Variants in HECW1 observed in about 807,000 individuals in gnomAD.
HECW1 encodes HECT, C2 and WW domain containing E3 ubiquitin protein ligase 1, also known as E3 ubiquitin-protein ligase HECW1.
HECW1 carries 61 observed loss-of-function variants against 182.3 expected under a neutral mutation model. That is an observed-to-expected ratio of 0.33 (90% CI 0.27 to 0.41). The LOEUF (loss-of-function observed/expected upper bound fraction) is 0.41, where lower values mean the gene tolerates loss of function less well. HECW1 is among the 10% of genes least tolerant of loss of function. The pLI is 1.00. For synonymous variants in HECW1, 859 were observed against 832.6 expected, an observed-to-expected ratio of 1.03 and a Z score of -0.55; for missense variants, 1,739 against 2,108.9, an observed-to-expected ratio of 0.82 and a Z score of 3.44.
At chr7:43,429,989 C>T (rs2076490857) in intron 8 of HECW1, among the ~76,000 whole-genome samples, 1 of 152,218 alleles carries the variant, frequency 6.6e-6, no homozygotes, top group Non-Finnish European at 1.5e-5. Context: ...GTATTCCTGC[C>T]TTACTCTTGA....
chr7:43,544,788 A>G (rs933804078), intron 26 of HECW1, among the ~76,000 whole-genome samples: 2 of 152,220 alleles, frequency 1.3e-5, no homozygotes, highest in Non-Finnish European at 2.9e-5. Flanking sequence ...ATTAAAAAGC[A>G]TGAGGACACC....
At chr7:43,365,157 C>G (rs1210575475) in intron 6 of HECW1, among the ~76,000 whole-genome samples, 1 of 152,244 alleles carries the variant, frequency 6.6e-6, no homozygotes, top group Non-Finnish European at 1.5e-5. Flanking sequence ...TGGGGGCCCT[C>G]CCTTTGCCTG....
intron 3 of HECW1, among the ~76,000 whole-genome samples, chr7:43,292,214 A>G (rs1297005418): frequency 1.3e-5 from 2 of 152,232 alleles, no homozygotes; most frequent in Admixed American, 1.3e-4. Flanking sequence ...TCCTACAATC[A>G]TATCTTAGGA....
intron 2 of HECW1, among the ~76,000 whole-genome samples, chr7:43,185,729 A>G (rs1414433963): frequency 6.6e-6 from 1 of 152,218 alleles, no homozygotes; most frequent in Non-Finnish European, 1.5e-5. Context: ...AATTCAGTAC[A>G]CACAGAATAA....
intron 2 of HECW1, among the ~76,000 whole-genome samples, chr7:43,211,064 T>A (rs1180062940): frequency 6.6e-6 from 1 of 152,214 alleles, no homozygotes; most frequent in Non-Finnish European, 1.5e-5. Flanking sequence ...GATAGATGAT[T>A]GGCTATTTCT....
chr7:43,316,773 TCCTCC>T (rs1562826353), intron 4 of HECW1, among the ~76,000 whole-genome samples: 1 of 73,966 alleles, frequency 1.4e-5, no homozygotes. Flanking sequence ...CCCTTTTCTC[TCCTCC>T]CCTCCCCTCC....
intron 2 of HECW1, among the ~76,000 whole-genome samples, chr7:43,205,320 T>C (rs1174561464): frequency 6.6e-6 from 1 of 152,140 alleles, no homozygotes; most frequent in Admixed American, 6.6e-5. Context: ...CCTGACGTCA[T>C]GATCGGCCCG....
At chr7:43,415,470 T>G (rs1172060489) in intron 8 of HECW1, among the ~76,000 whole-genome samples, 1 of 151,870 alleles carries the variant, frequency 6.6e-6, no homozygotes, top group Non-Finnish European at 1.5e-5. Flanking sequence ...CATTTTTTCC[T>G]TCATTTCAAC....
chr7:43,436,163 CAAAAAAAA>C (rs750081980), intron 8 of HECW1, among the ~76,000 whole-genome samples: 10 of 67,046 alleles, frequency 1.5e-4, no homozygotes, highest in African/African-American at 5.8e-4. Flanking sequence ...GACTTTGTCT[CAAAAAAAA>C]AAAAAAAAAA....
intron 5 of HECW1, among the ~76,000 whole-genome samples, chr7:43,329,466 C>T (rs1342921163): frequency 6.6e-6 from 1 of 151,414 alleles, no homozygotes; most frequent in East Asian, 1.9e-4. Context: ...AAACAAAGAA[C>T]ACCTGGAATG....
intron 19 of HECW1, among the ~76,000 whole-genome samples, chr7:43,493,398 T>C (rs556144881): frequency 3.3e-5 from 5 of 152,248 alleles, no homozygotes; most frequent in Non-Finnish European, 7.4e-5. Context: ...ATATCATTTA[T>C]ATGGTACTGA....
intron 2 of HECW1, among the ~76,000 whole-genome samples, chr7:43,122,729 A>G (rs541122868): frequency 1.3e-5 from 2 of 152,242 alleles, no homozygotes; most frequent in Non-Finnish European, 2.9e-5. Flanking sequence ...CTATATGTAT[A>G]ATAAATGTTA....
chr7:43,550,598 C>T lies in HECW1; in HGVS notation c.4395+7C>T. Reference sequence around the variant, plus strand: ...GGTGCGCGGCTTCTACGAGGTGAGGCCCGGTGGCCTGGGGAAGGCAAGCTG... The same window carrying T: ...GGTGCGCGGCTTCTACGAGGTGAGGTCCGGTGGCCTGGGGAAGGCAAGCTG... On this transcript the variant is annotated splice_region_variant and intron_variant, in intron 27 of 29. Coordinates refer to ENST00000395891, the MANE Select transcript of HECW1 (RefSeq NM_015052.5). 1 of 1,593,666 alleles carries T rather than the reference C, an allele frequency of 6.3e-7. No homozygotes were observed. The highest frequency in any genetic ancestry group is 8.5e-7 in the Non-Finnish European group (1 of 1,170,824).
chr7:43,165,397 C>CGGG (rs11451295), intron 2 of HECW1, among the ~76,000 whole-genome samples: 1,877 of 136,748 alleles, frequency 0.014, 69 homozygotes, highest in African/African-American at 0.051. Flanking sequence ...GGGCTTTTGG[C>CGGG]GGGGGGGGGT....
chr7:43,320,284 G>C (rs1025180596), intron 4 of HECW1, among the ~76,000 whole-genome samples: 2 of 152,190 alleles, frequency 1.3e-5, no homozygotes, highest in African/African-American at 2.4e-5. Context: ...GTTCATAGAA[G>C]CTTTAGGAGG....
At chr7:43,349,971 G>A (rs1814202133) in intron 5 of HECW1, among the ~76,000 whole-genome samples, 1 of 152,096 alleles carries the variant, frequency 6.6e-6, no homozygotes, top group Non-Finnish European at 1.5e-5. Context: ...TGTGATTTAT[G>A]CTTTAAAGAG....
intron 2 of HECW1, among the ~76,000 whole-genome samples, chr7:43,200,181 T>A (rs1456838317): frequency 6.6e-6 from 1 of 152,216 alleles, no homozygotes; most frequent in Non-Finnish European, 1.5e-5. Context: ...ATTGTCTCAG[T>A]TTCTGGAACA....
intron 24 of HECW1, among the ~76,000 whole-genome samples, chr7:43,522,720 C>A (rs1195491268): frequency 6.6e-6 from 1 of 152,248 alleles, no homozygotes; most frequent in East Asian, 1.9e-4. Flanking sequence ...CACCAAACCC[C>A]CTATTAGCTG....
intron 2 of HECW1, among the ~76,000 whole-genome samples, chr7:43,133,498 T>C (rs1034123611): frequency 1.7e-4 from 26 of 151,974 alleles, no homozygotes; most frequent in African/African-American, 5.1e-4. Context: ...AAATTATCTT[T>C]TCCTAGAAAA....
Sources: gnomAD v4.1 joint callset for allele counts (sites outside exome capture counted in the v4.1 genomes callset) on GRCh38, gnomAD v4.1.1 for gene constraint, MANE v1.5 for transcripts, NCBI Gene and HGNC (gene_info 2026-07-23, HGNC 2026-07-21) for gene names.